KCNT2: variants seen among roughly 807,000 people sequenced by gnomAD.
KCNT2 encodes the protein potassium sodium-activated channel subfamily T member 2, also known as potassium channel subfamily T member 2.
A neutral mutation model predicts 153.8 loss-of-function variants in KCNT2; 67 were observed. The ratio of observed to expected loss-of-function variants is 0.44; its 90% CI spans 0.36 to 0.53. The LOEUF (loss-of-function observed/expected upper bound fraction) is 0.53. KCNT2 is among the 20% of genes least tolerant of loss of function. The pLI is 0.00. For missense variants in KCNT2, 975 were observed against 1,354.8 expected, an observed-to-expected ratio of 0.72 and a Z score of 4.40; for synonymous variants, 500 against 458.8, an observed-to-expected ratio of 1.09 and a Z score of -1.15.
intron 3 of KCNT2, 114 bp from the exon 4 acceptor site, chr1:196,482,493 T>A (rs1679095960): frequency 1.9e-6 from 1 of 516,124 alleles, no homozygotes; most frequent in East Asian, 3.5e-5. Context: ...AGACAAAATA[T>A]CAAAATCAAC....
At chr1:196,463,699 G>A in intron 8 of KCNT2, among the ~76,000 whole-genome samples, 1 of 151,806 alleles carries the variant, frequency 6.6e-6, no homozygotes, top group Middle Eastern at 3.4e-3. Flanking sequence ...TTATATAGTG[G>A]AAATTTCATA....
chr1:196,608,150 G>T, intron 1 of KCNT2, 65 bp downstream of exon 1: 1 of 1,423,292 alleles, frequency 7.0e-7, no homozygotes. Flanking sequence ...TCCCCACTTC[G>T]GCCCTCCCAT....
chr1:196,595,188 G>A (rs1342537799), intron 1 of KCNT2, among the ~76,000 whole-genome samples: 2 of 151,536 alleles, frequency 1.3e-5, no homozygotes, highest in Non-Finnish European at 2.9e-5. Context: ...GAGGGAATTT[G>A]AAAAAAATAG....
chr1:196,490,720 T>C (rs892148652), intron 2 of KCNT2, among the ~76,000 whole-genome samples: 1 of 151,846 alleles, frequency 6.6e-6, no homozygotes, highest in Non-Finnish European at 1.5e-5. Context: ...CAGCCTGTAA[T>C]ATTCAATGAT....
intron 3 of KCNT2, among the ~76,000 whole-genome samples, chr1:196,483,902 A>G (rs1158758060): frequency 6.6e-6 from 1 of 152,150 alleles, no homozygotes; most frequent in Non-Finnish European, 1.5e-5. Flanking sequence ...TCAATGATAA[A>G]TGGTGCCAAT....
At chr1:196,342,430 A>ATATATATATATATATATATG (rs1665752582) in intron 14 of KCNT2, among the ~76,000 whole-genome samples, 1 of 133,884 alleles carries the variant, frequency 7.5e-6, no homozygotes, top group African/African-American at 2.9e-5. Flanking sequence ...CTATATATAT[A>ATATATATATATATATATATG]TATATATATA....
At chr1:196,282,221 T>C in intron 24 of KCNT2, 52 bp downstream of exon 24, 1 of 1,000,422 alleles carries the variant, frequency 1.0e-6, no homozygotes, top group South Asian at 1.4e-5. Context: ...GGTAGATAGA[T>C]TTCAGAACCT....
chr1:196,508,189 C>CAAAAAAAAAAAAAAAAAA (rs10539910), intron 1 of KCNT2, among the ~76,000 whole-genome samples: 5 of 59,980 alleles, frequency 8.3e-5, no homozygotes, highest in Non-Finnish European at 1.2e-4. Context: ...CCCTAAGTAG[C>CAAAAAAAAAAAAAAAAAA]AAAAAAAAAA....
At chr1:196,585,897 A>G (rs1662620705) in intron 1 of KCNT2, among the ~76,000 whole-genome samples, 1 of 152,112 alleles carries the variant, frequency 6.6e-6, no homozygotes, top group East Asian at 1.9e-4. Context: ...GAGGCAATAA[A>G]CATAAATGAA....
chr1:196,275,208 C>T (rs529629373), intron 25 of KCNT2, among the ~76,000 whole-genome samples: 1 of 151,840 alleles, frequency 6.6e-6, no homozygotes, highest in South Asian at 2.1e-4. Context: ...ATATGTGTCC[C>T]TGTCCTTCCT....
intron 26 of KCNT2, among the ~76,000 whole-genome samples, chr1:196,249,356 G>T (rs1655745609): frequency 6.6e-6 from 1 of 152,168 alleles, no homozygotes; most frequent in Non-Finnish European, 1.5e-5. Context: ...GGAAAAGAAA[G>T]AATCAAATTA....
At chr1:196,469,194 T>C (rs1677872921) in intron 5 of KCNT2, 126 bp from the exon 6 acceptor site, 8 of 583,078 alleles carry the variant, frequency 1.4e-5, no homozygotes, top group South Asian at 2.4e-5. Context: ...CTGAATATTA[T>C]ATAGAGATGT....
intron 1 of KCNT2, among the ~76,000 whole-genome samples, chr1:196,566,486 G>T (rs1249326204): frequency 6.6e-6 from 1 of 152,110 alleles, no homozygotes; most frequent in African/African-American, 2.4e-5. Context: ...CATGGCAATT[G>T]TGTGCAAGAT....
chr1:196,547,786 T>C (rs894417980), intron 1 of KCNT2, among the ~76,000 whole-genome samples: 9 of 151,984 alleles, frequency 5.9e-5, no homozygotes, highest in African/African-American at 1.9e-4. Context: ...ATGGAAAATT[T>C]ATAATTTGAA....
At chr1:196,526,707 TC>T (rs1457063410) in intron 1 of KCNT2, among the ~76,000 whole-genome samples, 1 of 152,182 alleles carries the variant, frequency 6.6e-6, no homozygotes, top group Non-Finnish European at 1.5e-5. Context: ...CACCTCGGCC[TC>T]CTAAAGTGCT....
At chr1:196,370,910 C>T (rs1003373320) in intron 14 of KCNT2, among the ~76,000 whole-genome samples, 2 of 151,864 alleles carry the variant, frequency 1.3e-5, no homozygotes, top group Non-Finnish European at 2.9e-5. Context: ...ATGAATGAAC[C>T]TTGAAAAACA....
intron 1 of KCNT2, among the ~76,000 whole-genome samples, chr1:196,514,751 T>C (rs981930093): frequency 9.2e-5 from 14 of 151,912 alleles, no homozygotes; most frequent in African/African-American, 2.9e-4. Flanking sequence ...AGATAGTTGA[T>C]TTATTTCTAT....
chr1:196,449,655 T>G (rs1373552148), intron 8 of KCNT2, among the ~76,000 whole-genome samples: 1 of 151,494 alleles, frequency 6.6e-6, no homozygotes, highest in Non-Finnish European at 1.5e-5. Flanking sequence ...GGTTATTTCA[T>G]CATATATGAT....
chr1:196,379,617 GGAGAGAGAGAAGAAAATACAAGA>G (rs1669304459), intron 13 of KCNT2, among the ~76,000 whole-genome samples: 1 of 142,554 alleles, frequency 7.0e-6, no homozygotes, highest in Admixed American at 7.0e-5. Context: ...CTGTATATAT[GGAGAGAGAGAAGAAAATACAAGA>G]TATATGTACA....
Sources: gnomAD v4.1 joint callset for allele counts (sites outside exome capture counted in the v4.1 genomes callset) on GRCh38, gnomAD v4.1.1 for gene constraint, MANE v1.5 for transcripts, NCBI Gene and HGNC (gene_info 2026-07-23, HGNC 2026-07-21) for gene names.